DACH1: variants seen among roughly 807,000 people sequenced by gnomAD.
DACH1 encodes the protein dachshund family transcription factor 1.
Under a neutral mutation model 54.2 loss-of-function variants are expected in DACH1, and 12 were observed. That is an observed-to-expected ratio of 0.22 (90% CI 0.14 to 0.36). DACH1 has a LOEUF of 0.36. DACH1 is among the 10% of genes least tolerant of loss of function. The probability of loss-of-function intolerance (pLI) is 1.00; values close to 1 mark genes in which losing one functional copy is unlikely to be tolerated. For synonymous variants in DACH1, 386 were observed against 366.2 expected (o/e 1.05, Z -0.62); for missense variants, 805 against 929.8 (o/e 0.87, Z 1.75).
chr13:71,779,151 ATATATACG>A (rs760450200), intron 1 of DACH1, among the ~76,000 whole-genome samples: 1,451 of 85,184 alleles, frequency 0.017, 26 homozygotes, highest in Non-Finnish European at 0.027. Flanking sequence ...ATATATACAC[ATATATACG>A]TATATACGTA....
At chr13:71,573,071 A>T in intron 3 of DACH1, 59 bp from the exon 4 acceptor site, 1 of 1,508,878 alleles carries the variant, frequency 6.6e-7, no homozygotes, top group Non-Finnish European at 8.9e-7. Flanking sequence ...TTAAAAATTG[A>T]AACAGTCAAA....
At chr13:71,848,256 T>C (rs1459966884) in intron 1 of DACH1, among the ~76,000 whole-genome samples, 1 of 152,164 alleles carries the variant, frequency 6.6e-6, no homozygotes, top group Non-Finnish European at 1.5e-5. Flanking sequence ...ACTATGTTTG[T>C]CTTATCTTGC....
intron 1 of DACH1, among the ~76,000 whole-genome samples, chr13:71,718,369 G>A (rs1332238217): frequency 2.0e-5 from 3 of 151,878 alleles, no homozygotes; most frequent in Non-Finnish European, 2.9e-5. Context: ...AGGATCTCTC[G>A]AGCTCAGGAG....
At chr13:71,783,204 A>C (rs1886455942) in intron 1 of DACH1, among the ~76,000 whole-genome samples, 1 of 152,204 alleles carries the variant, frequency 6.6e-6, no homozygotes, top group African/African-American at 2.4e-5. Flanking sequence ...TCAAAACCTA[A>C]AGATAGCTGT....
chr13:71,608,452 T>C (rs1875053860), intron 3 of DACH1, among the ~76,000 whole-genome samples: 1 of 152,058 alleles, frequency 6.6e-6, no homozygotes, highest in African/African-American at 2.4e-5. Context: ...CTTACTAGAC[T>C]ATCATACCAA....
intron 6 of DACH1, among the ~76,000 whole-genome samples, chr13:71,506,497 T>C (rs1880337139): frequency 6.6e-6 from 1 of 151,936 alleles, no homozygotes; most frequent in Non-Finnish European, 1.5e-5. Flanking sequence ...TAGTATTCCA[T>C]GGTATATATG....
intron 1 of DACH1, among the ~76,000 whole-genome samples, chr13:71,821,394 G>A (rs1185820702): frequency 2.7e-5 from 4 of 149,082 alleles, no homozygotes; most frequent in Admixed American, 6.7e-5. Flanking sequence ...ACGATCCTGA[G>A]GTCCCTTCTC....
chr13:71,764,034 A>G (rs1456626870), intron 1 of DACH1, among the ~76,000 whole-genome samples: 1 of 152,194 alleles, frequency 6.6e-6, no homozygotes, highest in Non-Finnish European at 1.5e-5. Context: ...TGTAGAGCAA[A>G]TATCAGGGTT....
chr13:71,573,390 T>A (rs2138416287), intron 3 of DACH1: 1 of 713,826 alleles, frequency 1.4e-6, no homozygotes, highest in Non-Finnish European at 2.6e-6. Flanking sequence ...AAAACTATGA[T>A]TTTTAATACT....
intron 1 of DACH1, among the ~76,000 whole-genome samples, chr13:71,814,281 A>T (rs1417799900): frequency 6.6e-6 from 1 of 152,222 alleles, no homozygotes; most frequent in African/African-American, 2.4e-5. Flanking sequence ...GCTTAGCTAC[A>T]TAACCAACCC....
chr13:71,530,948 C>T (rs1882374911), intron 6 of DACH1, among the ~76,000 whole-genome samples: 1 of 151,806 alleles, frequency 6.6e-6, no homozygotes, highest in African/African-American at 2.4e-5. Context: ...TATCATCTCC[C>T]GGCTTATTTT....
chr13:71,501,284 C>T (rs1325616501), intron 6 of DACH1, among the ~76,000 whole-genome samples: 2 of 152,040 alleles, frequency 1.3e-5, no homozygotes, highest in East Asian at 3.9e-4. Context: ...AGTATGTTAG[C>T]AGTGCTTGGT....
At chr13:71,724,653 C>A (rs1594139396) in intron 1 of DACH1, among the ~76,000 whole-genome samples, 1 of 151,998 alleles carries the variant, frequency 6.6e-6, no homozygotes, top group East Asian at 1.9e-4. Context: ...TTACTTATAT[C>A]AAAAAATACA....
At chr13:71,748,886 CTTTCTT>C (rs1256452235) in intron 1 of DACH1, among the ~76,000 whole-genome samples, 2 of 27,314 alleles carry the variant, frequency 7.3e-5, no homozygotes, top group East Asian at 4.2e-4. Context: ...TTCTTTCTTT[CTTTCTT>C]TCTTTCTCTT....
At chr13:71,817,339 A>G (rs1887999079) in intron 1 of DACH1, among the ~76,000 whole-genome samples, 1 of 152,212 alleles carries the variant, frequency 6.6e-6, no homozygotes, top group Non-Finnish European at 1.5e-5. Flanking sequence ...TGTTACAAGT[A>G]CAACACTCTG....
At chr13:71,760,596 G>T (rs1018791660) in intron 1 of DACH1, among the ~76,000 whole-genome samples, 1 of 152,138 alleles carries the variant, frequency 6.6e-6, no homozygotes, top group Non-Finnish European at 1.5e-5. Flanking sequence ...CAATGTCATA[G>T]AACTCGTTAC....
intron 1 of DACH1, among the ~76,000 whole-genome samples, chr13:71,863,575 C>T (rs180765182): frequency 6.6e-6 from 1 of 152,236 alleles, no homozygotes; most frequent in East Asian, 1.9e-4. Flanking sequence ...CTTATCTTGG[C>T]TCTGCAAGTT....
At chr13:71,523,560 A>G (rs1367323430) in intron 6 of DACH1, among the ~76,000 whole-genome samples, 1 of 152,080 alleles carries the variant, frequency 6.6e-6, no homozygotes, top group African/African-American at 2.4e-5. Flanking sequence ...TTACTGTAAA[A>G]AGAGAGGAAG....
intron 1 of DACH1, among the ~76,000 whole-genome samples, chr13:71,727,741 C>T (rs1883539459): frequency 6.6e-6 from 1 of 151,998 alleles, no homozygotes; most frequent in South Asian, 2.1e-4. Flanking sequence ...GAAACAAAGC[C>T]CTGTAGTAAA....
Sources: gnomAD v4.1 joint callset for allele counts (sites outside exome capture counted in the v4.1 genomes callset) on GRCh38, gnomAD v4.1.1 for gene constraint, MANE v1.5 for transcripts, NCBI Gene and HGNC (gene_info 2026-07-23, HGNC 2026-07-21) for gene names.